The following LONP2 variants were observed in gnomAD, a reference collection of about 807,000 sequenced individuals.
LONP2 encodes lon peptidase 2, peroxisomal.
Under a neutral mutation model 85.6 loss-of-function variants are expected in LONP2, and 60 were observed. The observed-to-expected ratio is 0.70, with a 90% confidence interval of 0.57 to 0.87. LONP2 has a LOEUF of 0.87. Among genes scored for constraint, LONP2 ranks in the 40% least tolerant of loss-of-function variants. The pLI, the probability that LONP2 is intolerant of heterozygous loss-of-function variation, is 0.00. For missense variants in LONP2, 860 were observed against 1,063.5 expected (o/e 0.81, Z 2.66); for synonymous variants, 395 against 389.7 (o/e 1.01, Z -0.16).
chr16:48,268,913 G>T (rs972952033), intron 6 of LONP2, among the ~76,000 whole-genome samples: 1 of 152,030 alleles, frequency 6.6e-6, no homozygotes. Flanking sequence ...TTAATTAAAA[G>T]ATATGTATTA....
At chr16:48,308,953 A>G (rs1972972044) in intron 11 of LONP2, among the ~76,000 whole-genome samples, 1 of 152,186 alleles carries the variant, frequency 6.6e-6, no homozygotes, top group Non-Finnish European at 1.5e-5. Flanking sequence ...CTCAACAACA[A>G]CAAAAGAACC....
At chr16:48,244,711 C>A in intron 1 of LONP2, 90 bp downstream of exon 1, 1 of 976,284 alleles carries the variant, frequency 1.0e-6, no homozygotes, top group South Asian at 2.7e-5. Context: ...GAGCGCGAGG[C>A]TCAGTTCGGG....
At chr16:48,324,238 C>T (rs1436270011) in intron 11 of LONP2, among the ~76,000 whole-genome samples, 1 of 152,190 alleles carries the variant, frequency 6.6e-6, no homozygotes, top group Non-Finnish European at 1.5e-5. Flanking sequence ...CATTTCATGT[C>T]ACTTTTAAAG....
rs1026904186 is a variant in LONP2, at chr16:48,348,298, T to C, written c.2337+8T>C. 2 of 1,422,812 alleles carry C rather than the reference T, an allele frequency of 1.4e-6. No homozygotes were observed. Among genetic ancestry groups the C allele is most frequent in the Non-Finnish European group, 1.9e-6 (2 of 1,080,032 alleles). 88.1% of individuals were successfully genotyped at this position (1,422,812 alleles called of 1,614,324 possible). On this transcript the variant is annotated splice_region_variant and intron_variant, in intron 14 of 14. Transcript: ENST00000285737. ...AGAGGTCTTGTTCTTCCAGTAAGTATGAAAAAACAATTTATATGGTTATTT... is the reference window on the plus strand; with the variant it reads ...AGAGGTCTTGTTCTTCCAGTAAGTACGAAAAAACAATTTATATGGTTATTT...
In LONP2 at chr16:48,334,405, C is replaced by A. The variant is rs200417314; in HGVS notation, c.1938+47C>A. 49 of 1,612,526 alleles carry A rather than the reference C, an allele frequency of 3.0e-5. No homozygotes were observed. In the African/African-American group the frequency reaches 5.1e-4, roughly 17 times the overall value. ...TTTTTGCTCCAGTCAATGAAAGGAACACTTTATTGAGGCCCCAGGGCCGTA... is the reference window on the plus strand; with the variant it reads ...TTTTTGCTCCAGTCAATGAAAGGAAAACTTTATTGAGGCCCCAGGGCCGTA... On this transcript the variant is annotated intron_variant, in intron 12 of 14. Coordinates refer to ENST00000285737, the MANE Select transcript of LONP2 (RefSeq NM_031490.5).
At position 48,319,870 on chromosome 16, in the gene LONP2, A is replaced by G. The variant is rs182359963; in HGVS notation, c.1796-14346A>G. Among the ~76,000 whole-genome samples the G allele has an allele frequency of 2.6e-5, 4 of 152,280 alleles. No homozygotes were observed. In the East Asian group the frequency reaches 7.7e-4, roughly 29 times the overall value. On this transcript the variant is annotated intron_variant, in intron 11 of 14. Coordinates refer to ENST00000285737, the MANE Select transcript of LONP2 (RefSeq NM_031490.5). Reference sequence around the variant, plus strand: ...GATTATTTTTTGTGCGTGTGCCTGTAAGAATTTTTTGGCCAGGCGTGGTGG... The same window carrying G: ...GATTATTTTTTGTGCGTGTGCCTGTGAGAATTTTTTGGCCAGGCGTGGTGG...
chr16:48,287,332 G>A (rs77265554), intron 8 of LONP2, among the ~76,000 whole-genome samples: 4 of 152,212 alleles, frequency 2.6e-5, no homozygotes, highest in Non-Finnish European at 2.9e-5. Context: ...ATATGTCAAG[G>A]CTTTTCAAAG....
chr16:48,302,191 C>A (rs550715715), intron 10 of LONP2, among the ~76,000 whole-genome samples: 1 of 152,106 alleles, frequency 6.6e-6, no homozygotes, highest in Non-Finnish European at 1.5e-5. Context: ...TTTTTTAAAG[C>A]CCAAATGTAG....
In LONP2 at chr16:48,262,818, A is replaced by C; in HGVS notation, c.928A>C (p.Thr310Pro). The C allele has an allele frequency of 1.2e-6, 2 of 1,612,684 alleles. No individual in the cohort carries two copies. Among genetic ancestry groups the C allele is most frequent in the Non-Finnish European group, 1.7e-6 (2 of 1,179,272 alleles). Residue 310 changes from threonine to proline, a missense_variant, in exon 6 of 15, where the codon ACT (threonine) becomes CCT (proline). By Grantham distance (38) the Thr-to-Pro change is conservative. Coordinates refer to ENST00000285737, the MANE Select transcript of LONP2 (RefSeq NM_031490.5). ...MPQSMPEYAL[T>P]RNYLELMVEL... ...TCAGTCAATGCCAGAATATGCTCTG[A>C]CTAGAAATTATTTGGAACTTATGGT... is the stretch of plus-strand genomic sequence containing the variant.
chr16:48,287,256 C>T (rs1234173816), intron 8 of LONP2, among the ~76,000 whole-genome samples: 2 of 152,206 alleles, frequency 1.3e-5, no homozygotes, highest in Admixed American at 1.3e-4. Context: ...CTTATAGGGC[C>T]TTCTCAGGTC....
chr16:48,247,386 C>T (rs1322951417), intron 1 of LONP2: 1 of 152,534 alleles, frequency 6.6e-6, no homozygotes, highest in Non-Finnish European at 1.5e-5. Context: ...TTTGCGCTAT[C>T]CAGGTGACGC....
At position 48,362,671 on chromosome 16, in the gene LONP2, C is replaced by A. The variant is rs1960641846; in HGVS notation, c.*808C>A. 6.3e-6 allele frequency: 3 copies of A among 474,890 alleles called. No homozygotes were observed. Among genetic ancestry groups the A allele is most frequent in the African/African-American group, 5.9e-5 (3 of 50,692 alleles). The allele number at this position is 474,890 out of a possible 1,614,324, so 29.4% of individuals were successfully genotyped here. A position where few individuals can be genotyped will look rare whatever the true frequency, so the allele number is the denominator to read the frequency against. ...AAAATGTTCCGGAAAACATGTGGAA[C>A]TCCCTTAATCGTCTTTGGATAGACT... is the stretch of plus-strand genomic sequence containing the variant. On this transcript the variant is annotated 3_prime_UTR_variant, in exon 5 of 5. Coordinates refer to the LONP2 transcript ENST00000565867. The surrounding 1 kb of genome is among the most constrained non-coding windows in gnomAD (Gnocchi z 4.2).
chr16:48,301,836 A>G lies in LONP2; in HGVS notation c.1662-1336A>G, dbSNP rs1056569777. On this transcript the variant is annotated intron_variant, in intron 10 of 14. Transcript: ENST00000285737. ...TCTGACATTAAGATAAAATACTATC[A>G]GGTGCTGCACACTAAGTGTTCTCTT... Among the ~76,000 whole-genome samples, 6 of 152,332 alleles carry G rather than the reference A, an allele frequency of 3.9e-5. No homozygotes were observed. In the East Asian group the frequency reaches 9.6e-4, roughly 24 times the overall value.
intron 9 of LONP2, among the ~76,000 whole-genome samples, chr16:48,297,501 G>A (rs1221755061): frequency 2.6e-5 from 4 of 151,988 alleles, no homozygotes; most frequent in African/African-American, 9.7e-5. Context: ...GTAGGGACAG[G>A]GTTTCGCCAT....
chr16:48,282,021 A>C (rs1378256133), intron 8 of LONP2, among the ~76,000 whole-genome samples: 1 of 152,212 alleles, frequency 6.6e-6, no homozygotes, highest in Non-Finnish European at 1.5e-5. Flanking sequence ...CCAAATATCG[A>C]ATGGAGTTAA....
downstream of LONP2, among the ~76,000 whole-genome samples, chr16:48,359,136 G>A (rs775315901): frequency 6.6e-6 from 1 of 152,032 alleles, no homozygotes; most frequent in Non-Finnish European, 1.5e-5. Flanking sequence ...CATCATGCCT[G>A]GCTTTTTTGT....
At chr16:48,340,937 T>C (rs1355748276) in intron 12 of LONP2, among the ~76,000 whole-genome samples, 1 of 152,054 alleles carries the variant, frequency 6.6e-6, no homozygotes, top group Non-Finnish European at 1.5e-5. Flanking sequence ...AAGAACCACC[T>C]GAGACTGGGT....
intron 8 of LONP2, among the ~76,000 whole-genome samples, chr16:48,281,678 T>C (rs997682736): frequency 6.6e-6 from 1 of 152,212 alleles, no homozygotes; most frequent in African/African-American, 2.4e-5. Context: ...TTAATTGTCT[T>C]TATAGGCAAT....
chr16:48,265,573 T>G (rs1486512253), intron 6 of LONP2, among the ~76,000 whole-genome samples: 1 of 152,174 alleles, frequency 6.6e-6, no homozygotes, highest in Non-Finnish European at 1.5e-5. Flanking sequence ...TTCTATTCCA[T>G]TGGTCCGTGT....
Sources: allele counts gnomAD v4.1 joint callset (sites outside exome capture counted in the v4.1 genomes callset), GRCh38; gene constraint gnomAD v4.1.1; non-coding constraint Gnocchi (gnomAD v3.1); transcripts MANE v1.5; gene names NCBI Gene and HGNC (gene_info 2026-07-23, HGNC 2026-07-21).